DGKB: variants seen among roughly 807,000 people sequenced by gnomAD.
DGKB encodes 90 kDa diacylglycerol kinase.
A neutral mutation model predicts 114.3 loss-of-function variants in DGKB; 67 were observed. That is an observed-to-expected ratio of 0.59 (90% CI 0.48 to 0.72). The LOEUF (loss-of-function observed/expected upper bound fraction) is 0.72. Ranked by LOEUF, DGKB falls within the 30% of genes least tolerant of loss-of-function variation. DGKB has a pLI of 0.00. For missense variants in DGKB, 907 were observed against 975.2 expected (o/e 0.93, Z 0.93); for synonymous variants, 398 against 323.1 (o/e 1.23, Z -2.49).
intron 2 of DGKB, among the ~76,000 whole-genome samples, chr7:14,768,232 T>G (rs894124588): frequency 6.6e-6 from 1 of 151,994 alleles, no homozygotes; most frequent in African/African-American, 2.4e-5. Context: ...CTCATCTTTA[T>G]GGTATGTCCG....
chr7:14,918,995 G>A (rs868249309), intron 1 of DGKB, among the ~76,000 whole-genome samples: 14 of 151,290 alleles, frequency 9.3e-5, no homozygotes, highest in East Asian at 2.0e-4. Context: ...CCCAGGAGGC[G>A]GAGGTTCCAG....
At chr7:14,528,681 CATT>C (rs1307461037) in intron 20 of DGKB, among the ~76,000 whole-genome samples, 2 of 151,926 alleles carry the variant, frequency 1.3e-5, no homozygotes, top group African/African-American at 4.8e-5. Flanking sequence ...ACTATCAAGA[CATT>C]ATGCTAATAG....
At chr7:14,937,710 G>A (rs904736071) in intron 1 of DGKB, among the ~76,000 whole-genome samples, 7 of 151,756 alleles carry the variant, frequency 4.6e-5, no homozygotes, top group African/African-American at 1.5e-4. Context: ...AACTTTGCAG[G>A]TCCACTCATA....
chr7:14,824,223 G>A (rs1845345002), intron 2 of DGKB, among the ~76,000 whole-genome samples: 1 of 152,062 alleles, frequency 6.6e-6, no homozygotes, highest in South Asian at 2.1e-4. Context: ...ATGAGATTTG[G>A]GTGGAGACAC....
chr7:14,621,404 C>T lies in DGKB; in HGVS notation c.1258G>A (p.Val420Ile), dbSNP rs1273697325. 1 of 1,610,558 alleles carries T rather than the reference C, an allele frequency of 6.2e-7. No individual in the cohort carries two copies. Among genetic ancestry groups the T allele is most frequent in the Non-Finnish European group, 8.5e-7 (1 of 1,177,918 alleles). ...DKNKMQRANS[V>I]TVDGQGLQVT... Reference sequence around the variant, plus strand: ...TGCAGGCCTTGTCCATCTACAGTAACAGAGTTGGCTCTTTGCATTTTATTC... The same window carrying T: ...TGCAGGCCTTGTCCATCTACAGTAATAGAGTTGGCTCTTTGCATTTTATTC... Residue 420 changes from valine to isoleucine, a missense_variant, in exon 15 of 26, where the codon GTT (valine) becomes ATT (isoleucine). Val to Ile is a conservative substitution (Grantham distance 29). This residue lies in a region of DGKB where 814 missense variants were observed against 856.6 expected (regional missense o/e 0.95). Transcript: ENST00000402815.
chr7:14,912,049 C>G (rs573785709), intron 1 of DGKB, among the ~76,000 whole-genome samples: 1 of 152,140 alleles, frequency 6.6e-6, no homozygotes, highest in African/African-American at 2.4e-5. Flanking sequence ...CGCCCTTCTT[C>G]TGGTAACAAA....
At chr7:14,848,285 G>T (rs988664515) in intron 1 of DGKB, among the ~76,000 whole-genome samples, 3 of 152,158 alleles carry the variant, frequency 2.0e-5, no homozygotes, top group South Asian at 2.1e-4. Context: ...TGCAGAAAGA[G>T]GGGATCAAGA....
At chr7:14,548,156 A>G (rs1035574225) in intron 20 of DGKB, among the ~76,000 whole-genome samples, 5 of 152,192 alleles carry the variant, frequency 3.3e-5, no homozygotes, top group Admixed American at 6.6e-5. Flanking sequence ...TCTAGCTTTG[A>G]ATACTGTAGA....
intron 23 of DGKB, among the ~76,000 whole-genome samples, chr7:14,267,643 C>A (rs1797707784): frequency 6.6e-6 from 1 of 151,990 alleles, no homozygotes; most frequent in Non-Finnish European, 1.5e-5. Flanking sequence ...CATGTGCCAC[C>A]ATGCCCAGCT....
At chr7:14,729,123 C>CTTTCTTTTT (rs1463141725) in intron 5 of DGKB, among the ~76,000 whole-genome samples, 1 of 113,420 alleles carries the variant, frequency 8.8e-6, no homozygotes, top group African/African-American at 3.6e-5. Context: ...CATTTTCTTT[C>CTTTCTTTTT]TTTTTTTTTT....
intron 25 of DGKB, among the ~76,000 whole-genome samples, chr7:14,167,924 C>G (rs919440313): frequency 6.6e-6 from 1 of 152,060 alleles, no homozygotes; most frequent in Non-Finnish European, 1.5e-5. Flanking sequence ...AAAAGTTTCT[C>G]AAGATATGAA....
rs1394556036 is a variant in DGKB at position 14,894,796 on chromosome 7, C to T, written c.-188+7796G>A. On this transcript the variant is annotated intron_variant, in intron 1 of 25. Transcript: ENST00000402815. Reference sequence around the variant, plus strand: ...TCACTTCACTTTCAGAATATGTGGTCTAGTAGTTTGGATAGAGTACATTCA... The same window carrying T: ...TCACTTCACTTTCAGAATATGTGGTTTAGTAGTTTGGATAGAGTACATTCA... 1.1e-4 allele frequency among the ~76,000 whole-genome samples: 16 copies of T among 151,520 alleles called. No homozygotes were observed. In the Admixed American group the frequency reaches 1.1e-3, roughly 10 times the overall value.
At chr7:14,479,013 C>T (rs567731758) in intron 20 of DGKB, among the ~76,000 whole-genome samples, 1 of 152,194 alleles carries the variant, frequency 6.6e-6, no homozygotes, top group East Asian at 1.9e-4. Flanking sequence ...GCACGGACTG[C>T]TCCAACTGAC....
intron 25 of DGKB, chr7:14,176,206 G>A (rs561051984): frequency 3.4e-6 from 1 of 291,340 alleles, no homozygotes; most frequent in Non-Finnish European, 5.1e-6. Context: ...TACACTGTTG[G>A]TCTTGTTCAT....
chr7:14,473,771 G>T (rs12666188), intron 21 of DGKB, among the ~76,000 whole-genome samples: 3,085 of 152,302 alleles, frequency 0.02, 122 homozygotes, highest in Admixed American at 0.091. Flanking sequence ...AGAGTCAAAA[G>T]GAGATCATTT....
At chr7:14,483,736 G>A (rs1044264432) in intron 20 of DGKB, among the ~76,000 whole-genome samples, 2 of 152,136 alleles carry the variant, frequency 1.3e-5, no homozygotes, top group Non-Finnish European at 2.9e-5. Context: ...GAGAGACAGA[G>A]ATTAGACAGG....
chr7:14,925,924 G>A (rs868052133), intron 1 of DGKB, among the ~76,000 whole-genome samples: 1 of 151,908 alleles, frequency 6.6e-6, no homozygotes, highest in African/African-American at 2.4e-5. Flanking sequence ...ATCACAGTGG[G>A]TAGAAAAGTT....
chr7:14,366,273 T>A (rs1190911265), intron 21 of DGKB, among the ~76,000 whole-genome samples: 4 of 152,156 alleles, frequency 2.6e-5, no homozygotes, highest in Admixed American at 1.3e-4. Context: ...TCTTTTCATT[T>A]AAAACTGAGA....
chr7:14,665,099 C>T (rs1817797206), intron 13 of DGKB, among the ~76,000 whole-genome samples: 1 of 151,908 alleles, frequency 6.6e-6, no homozygotes, highest in Non-Finnish European at 1.5e-5. Context: ...AGCATATTAA[C>T]ACTATGTCAT....
Sources: allele counts gnomAD v4.1 joint callset (sites outside exome capture counted in the v4.1 genomes callset), GRCh38; gene constraint gnomAD v4.1.1; regional missense constraint gnomAD v4.1.1; transcripts MANE v1.5; gene names NCBI Gene and HGNC (gene_info 2026-07-23, HGNC 2026-07-21).